The following RPS6KC1 variants were observed in gnomAD, a reference collection of about 807,000 sequenced individuals.
RPS6KC1 encodes the protein ribosomal protein S6 kinase C1.
RPS6KC1 carries 54 observed loss-of-function variants against 103.8 expected under a neutral mutation model. The observed-to-expected ratio is 0.52, with a 90% CI of 0.42 to 0.65. The LOEUF is 0.65. Ranked by LOEUF, RPS6KC1 falls within the 30% of genes least tolerant of loss-of-function variation. The pLI is 0.00. For missense variants in RPS6KC1, 1,151 were observed against 1,253.8 expected (o/e 0.92, Z 1.24); for synonymous variants, 439 against 438.7 (o/e 1.00, Z -0.01).
At chr1:213,859,275 TATCTGTA>T in the RPS6KC1 span, among the ~76,000 whole-genome samples, 1 of 152,218 alleles carries the variant, frequency 6.6e-6, no homozygotes, top group African/African-American at 2.4e-5. Flanking sequence ...GTTCTAGTTG[TATCTGTA>T]ATCTGAACAC....
intron 1 of RPS6KC1, among the ~76,000 whole-genome samples, chr1:213,061,927 C>A (rs1219521541): frequency 6.6e-6 from 1 of 152,194 alleles, no homozygotes; most frequent in Admixed American, 6.5e-5. Flanking sequence ...CCTTAACTAG[C>A]AGCTGAACAG....
the RPS6KC1 span, among the ~76,000 whole-genome samples, chr1:213,345,301 G>A: frequency 6.6e-6 from 1 of 152,140 alleles, no homozygotes. Flanking sequence ...TATCCATCTT[G>A]TCTTTTACTT....
At chr1:213,511,746 C>G in the RPS6KC1 span, among the ~76,000 whole-genome samples, 2 of 152,202 alleles carry the variant, frequency 1.3e-5, no homozygotes, top group Admixed American at 1.3e-4. Context: ...TTTCTTCAAG[C>G]CTTTGTTTAA....
At chr1:213,366,578 A>C in the RPS6KC1 span, among the ~76,000 whole-genome samples, 3 of 152,370 alleles carry the variant, frequency 2.0e-5, no homozygotes, top group South Asian at 6.2e-4. Context: ...AACCACAGAC[A>C]ACACATGAAT....
intron 8 of RPS6KC1, among the ~76,000 whole-genome samples, chr1:213,207,799 A>G (rs1239110686): frequency 1.3e-5 from 2 of 152,036 alleles, no homozygotes; most frequent in African/African-American, 2.4e-5. Context: ...TCAGGCTCCC[A>G]AGTAGCTGGG....
chr1:213,614,026 G>C, the RPS6KC1 span, among the ~76,000 whole-genome samples: 1 of 152,226 alleles, frequency 6.6e-6, no homozygotes, highest in African/African-American at 2.4e-5. Context: ...CGACCAGTGA[G>C]GTTCTGTTTG....
downstream of RPS6KC1, among the ~76,000 whole-genome samples, chr1:213,276,691 TG>T (rs2095113132): frequency 6.6e-6 from 1 of 152,220 alleles, no homozygotes; most frequent in South Asian, 2.1e-4. Context: ...CCTAGATGCT[TG>T]GGTTGCTGCC....
chr1:213,258,202 C>G (rs1032240070), intron 12 of RPS6KC1, among the ~76,000 whole-genome samples: 2 of 151,932 alleles, frequency 1.3e-5, no homozygotes. Context: ...AGGATGGTCT[C>G]GATCTCCTGA....
the RPS6KC1 span, among the ~76,000 whole-genome samples, chr1:213,294,174 C>T: frequency 2.0e-4 from 30 of 152,234 alleles, no homozygotes; most frequent in African/African-American, 2.9e-4. Flanking sequence ...AAGAAAAGTC[C>T]GCTGAAGCTC....
chr1:213,858,643 C>G, the RPS6KC1 span, among the ~76,000 whole-genome samples: 1 of 152,158 alleles, frequency 6.6e-6, no homozygotes, highest in Non-Finnish European at 1.5e-5. Flanking sequence ...AATCTACAAC[C>G]AGTTAGCGCC....
At chr1:213,189,284 A>G (rs962843932) in intron 8 of RPS6KC1, among the ~76,000 whole-genome samples, 9 of 151,980 alleles carry the variant, frequency 5.9e-5, no homozygotes, top group Admixed American at 5.9e-4. Context: ...CCTTGTCTCT[A>G]CTAAAAATAC....
At chr1:213,576,398 A>G in the RPS6KC1 span, among the ~76,000 whole-genome samples, 2 of 149,024 alleles carry the variant, frequency 1.3e-5, no homozygotes, top group African/African-American at 4.9e-5. Flanking sequence ...AACAAATTGA[A>G]GGTTTTTCGC....
intron 8 of RPS6KC1, among the ~76,000 whole-genome samples, chr1:213,193,548 C>T (rs775457959): frequency 4.6e-5 from 7 of 152,192 alleles, no homozygotes; most frequent in Non-Finnish European, 8.8e-5. Flanking sequence ...AGACGTGAGC[C>T]ACCATGCCTG....
At chr1:213,610,984 G>A in the RPS6KC1 span, among the ~76,000 whole-genome samples, 1 of 152,086 alleles carries the variant, frequency 6.6e-6, no homozygotes, top group Non-Finnish European at 1.5e-5. Context: ...TTTTTGGGGG[G>A]TTGCATATAT....
At chr1:213,151,856 G>A (rs1393454176) in intron 6 of RPS6KC1, among the ~76,000 whole-genome samples, 2 of 124,220 alleles carry the variant, frequency 1.6e-5, no homozygotes, top group Non-Finnish European at 3.4e-5. Context: ...CCTCCCGGAC[G>A]GGGCGGCTGG....
intron 1 of RPS6KC1, among the ~76,000 whole-genome samples, chr1:213,051,986 A>G (rs1011296236): frequency 3.9e-5 from 6 of 152,138 alleles, no homozygotes; most frequent in African/African-American, 1.2e-4. Context: ...TAGGCCACCA[A>G]CCTAGGAACT....
At chr1:213,733,264 A>T in the RPS6KC1 span, among the ~76,000 whole-genome samples, 4 of 147,660 alleles carry the variant, frequency 2.7e-5, no homozygotes, top group Admixed American at 6.8e-5. Context: ...ACAGGGTGTC[A>T]CTCTGGTCAG....
At chr1:213,206,664 C>T (rs1293030376) in intron 8 of RPS6KC1, among the ~76,000 whole-genome samples, 1 of 152,298 alleles carries the variant, frequency 6.6e-6, no homozygotes, top group East Asian at 1.9e-4. Flanking sequence ...CTCCAGTGAT[C>T]ATCTTTCAGT....
the RPS6KC1 span, among the ~76,000 whole-genome samples, chr1:213,422,720 C>T: frequency 6.6e-6 from 1 of 152,270 alleles, no homozygotes; most frequent in South Asian, 2.1e-4. Flanking sequence ...TCATGCAGTC[C>T]ATGGACTGTA....
Sources: allele counts gnomAD v4.1 joint callset (sites outside exome capture counted in the v4.1 genomes callset), GRCh38; gene constraint gnomAD v4.1.1; transcripts MANE v1.5; gene names NCBI Gene and HGNC (gene_info 2026-07-23, HGNC 2026-07-21).